RBFOX1: variants seen among roughly 807,000 people sequenced by gnomAD.
The protein encoded by RBFOX1 is RNA binding protein fox-1 homolog 1.
A neutral mutation model predicts 57.7 loss-of-function variants in RBFOX1; 8 were observed. The observed-to-expected ratio is 0.14, with a 90% CI of 0.08 to 0.25. The LOEUF (loss-of-function observed/expected upper bound fraction) is 0.25, where lower values mean the gene tolerates loss of function less well. Ranked by LOEUF, RBFOX1 falls within the 10% of genes least tolerant of loss-of-function variation. The pLI is 1.00. For missense variants in RBFOX1, 611 were observed against 548.5 expected (o/e 1.11, Z -1.14); for synonymous variants, 326 against 222.4 (o/e 1.47, Z -4.15).
chr16:6,445,751 T>C (rs1001867319), intron 2 of RBFOX1, among the ~76,000 whole-genome samples: 2 of 151,960 alleles, frequency 1.3e-5, no homozygotes, highest in African/African-American at 2.4e-5. Context: ...CCCAGTTAAT[T>C]TTTGTATTTT....
intron 5 of RBFOX1, among the ~76,000 whole-genome samples, chr16:7,540,983 G>C (rs571795176): frequency 1.3e-5 from 2 of 152,112 alleles, no homozygotes; most frequent in African/African-American, 2.4e-5. Context: ...TGAAGGTTTA[G>C]CTCTCTCAGA....
chr16:5,741,825 A>G (rs2052777723), intron 3 of RBFOX1, among the ~76,000 whole-genome samples: 1 of 152,190 alleles, frequency 6.6e-6, no homozygotes, highest in Non-Finnish European at 1.5e-5. Flanking sequence ...TAGGAAGGGG[A>G]TATAAGATTT....
At chr16:5,425,449 G>A (rs2067530466) in intron 1 of RBFOX1, among the ~76,000 whole-genome samples, 1 of 152,090 alleles carries the variant, frequency 6.6e-6, no homozygotes, top group Non-Finnish European at 1.5e-5. Flanking sequence ...ACTGGATGAT[G>A]GAGATCTCCT....
At chr16:6,116,923 G>T (rs755718566) in intron 1 of RBFOX1, among the ~76,000 whole-genome samples, 7 of 152,140 alleles carry the variant, frequency 4.6e-5, no homozygotes, top group Non-Finnish European at 8.8e-5. Context: ...GGAGAGAGAT[G>T]CTGGAGGCTC....
At chr16:5,805,934 A>G (rs992318177) in intron 3 of RBFOX1, among the ~76,000 whole-genome samples, 2 of 152,180 alleles carry the variant, frequency 1.3e-5, no homozygotes, top group African/African-American at 4.8e-5. Context: ...TGGGGGGACA[A>G]ATGGAGAAAT....
At chr16:7,189,856 C>T (rs897481453) in intron 4 of RBFOX1, among the ~76,000 whole-genome samples, 2 of 152,180 alleles carry the variant, frequency 1.3e-5, no homozygotes, top group Admixed American at 6.5e-5. Flanking sequence ...ACATCTTGAT[C>T]GCCTTTATGT....
chr16:5,406,759 C>A lies in RBFOX1; in HGVS notation c.220-60457C>A, dbSNP rs569160942. On this transcript the variant is annotated intron_variant, in intron 1 of 2. Coordinates refer to the RBFOX1 transcript ENST00000585867. Reference sequence around the variant, plus strand: ...TTAGTACATTACACAATGGGTCCTGCAGGAGGGGCTGGGGATCCAATAGTG... The same window carrying A: ...TTAGTACATTACACAATGGGTCCTGAAGGAGGGGCTGGGGATCCAATAGTG... Among the ~76,000 whole-genome samples the A allele has an allele frequency of 1.7e-3, 261 of 152,200 alleles. 1 individual carries two copies. Among genetic ancestry groups the A allele is most frequent in the African/African-American group, 6.1e-3 (252 of 41,512 alleles).
intron 4 of RBFOX1, among the ~76,000 whole-genome samples, chr16:7,516,964 A>G (rs1015598458): frequency 1.3e-5 from 2 of 152,160 alleles, no homozygotes; most frequent in Non-Finnish European, 2.9e-5. Flanking sequence ...TTTTTGCCCT[A>G]GTATCATTAT....
intron 4 of RBFOX1, among the ~76,000 whole-genome samples, chr16:7,084,918 C>A (rs1211140416): frequency 6.6e-6 from 1 of 152,154 alleles, no homozygotes; most frequent in Non-Finnish European, 1.5e-5. Flanking sequence ...ATTCAGCCAT[C>A]CATCCATTTG....
chr16:7,239,797 G>C (rs997118926), intron 4 of RBFOX1, among the ~76,000 whole-genome samples: 1 of 152,076 alleles, frequency 6.6e-6, no homozygotes, highest in Non-Finnish European at 1.5e-5. Flanking sequence ...TGGGGCATTT[G>C]GCTTATAAGA....
intron 3 of RBFOX1, among the ~76,000 whole-genome samples, chr16:6,842,046 GGGA>G (rs893786716): frequency 1.3e-5 from 2 of 151,970 alleles, no homozygotes; most frequent in Non-Finnish European, 2.9e-5. Flanking sequence ...GGGAGGCTGA[GGGA>G]GGAGAATGGC....
At chr16:6,636,875 T>C (rs1413665483) in intron 2 of RBFOX1, among the ~76,000 whole-genome samples, 6 of 131,462 alleles carry the variant, frequency 4.6e-5, no homozygotes, top group Non-Finnish European at 7.8e-5. Context: ...TATTATATGT[T>C]TAATATATTT....
At chr16:6,978,517 A>C (rs2087739711) in intron 3 of RBFOX1, among the ~76,000 whole-genome samples, 1 of 152,194 alleles carries the variant, frequency 6.6e-6, no homozygotes, top group East Asian at 1.9e-4. Context: ...CAGAAAGGGA[A>C]GCTGAGGTTC....
chr16:7,087,285 G>A (rs912600728), intron 4 of RBFOX1, among the ~76,000 whole-genome samples: 2 of 152,182 alleles, frequency 1.3e-5, no homozygotes, highest in East Asian at 1.9e-4. Context: ...TGCCTCAAGA[G>A]GATCGGCCGC....
chr16:5,481,166 A>T (rs1454866504), intron 2 of RBFOX1, among the ~76,000 whole-genome samples: 3 of 152,192 alleles, frequency 2.0e-5, no homozygotes, highest in African/African-American at 4.8e-5. Flanking sequence ...GGCACTTTTC[A>T]TACCTCAAAA....
At chr16:5,923,552 T>A (rs199962688) in intron 4 of RBFOX1, among the ~76,000 whole-genome samples, 2 of 90,906 alleles carry the variant, frequency 2.2e-5, no homozygotes, top group East Asian at 3.9e-4. Context: ...TTTTTTTTTC[T>A]TTTTTTTGAG....
chr16:6,251,465 T>C (rs1480409266), intron 1 of RBFOX1, among the ~76,000 whole-genome samples: 1 of 152,148 alleles, frequency 6.6e-6, no homozygotes, highest in East Asian at 1.9e-4. Context: ...CCTTGCTTTC[T>C]TTTCATTGCA....
At chr16:7,696,283 G>A (rs750308752) in intron 14 of RBFOX1, among the ~76,000 whole-genome samples, 1 of 152,156 alleles carries the variant, frequency 6.6e-6, no homozygotes, top group Non-Finnish European at 1.5e-5. Context: ...TTTTATAACA[G>A]GGCAGGACAC....
intron 5 of RBFOX1, 39 bp from the exon 6 acceptor site, chr16:7,579,738 T>G: frequency 2.5e-6 from 4 of 1,613,192 alleles, no homozygotes; most frequent in Non-Finnish European, 3.4e-6. Context: ...AGCACTGTGG[T>G]CCACTGAGAA....
Sources: gnomAD v4.1 joint callset for allele counts (sites outside exome capture counted in the v4.1 genomes callset) on GRCh38, gnomAD v4.1.1 for gene constraint, MANE v1.5 for transcripts, NCBI Gene and HGNC (gene_info 2026-07-23, HGNC 2026-07-21) for gene names.